The following PPP2R2C variants were observed in gnomAD, a reference collection of about 807,000 sequenced individuals.
PPP2R2C encodes protein phosphatase 2, regulatory subunit B, gamma.
Under a neutral mutation model 45.3 loss-of-function variants are expected in PPP2R2C, and 10 were observed. That is an observed-to-expected ratio of 0.22 (90% CI 0.14 to 0.37). The LOEUF is 0.37. Ranked by LOEUF, PPP2R2C falls within the 10% of genes least tolerant of loss-of-function variation. The pLI is 1.00. For synonymous variants in PPP2R2C, 257 were observed against 245.4 expected (o/e 1.05, Z -0.44); for missense variants, 308 against 619.7 (o/e 0.50, Z 5.34).
chr4:6,348,259 C>A (rs1712191445), intron 5 of PPP2R2C, among the ~76,000 whole-genome samples: 1 of 151,940 alleles, frequency 6.6e-6, no homozygotes, highest in African/African-American at 2.4e-5. Flanking sequence ...TCCCTCCTGA[C>A]CTGCGGCCCC....
At chr4:6,399,672 C>T (rs979580028) in intron 1 of PPP2R2C, among the ~76,000 whole-genome samples, 27 of 152,318 alleles carry the variant, frequency 1.8e-4, no homozygotes, top group Admixed American at 9.8e-4. Flanking sequence ...TAGGAGAGGC[C>T]CAAGGCTGCC....
At chr4:6,484,513 T>TAAA (rs569436768) in intron 2 of PPP2R2C, among the ~76,000 whole-genome samples, 8 of 146,326 alleles carry the variant, frequency 5.5e-5, no homozygotes, top group Non-Finnish European at 1.1e-4. Context: ...TTCAGTTTCT[T>TAAA]AAAAAAAAAA....
chr4:6,559,892 C>T (rs1023563777), intron 1 of PPP2R2C, among the ~76,000 whole-genome samples: 8 of 152,220 alleles, frequency 5.3e-5, no homozygotes, highest in African/African-American at 1.2e-4. Flanking sequence ...GTTACGGCAG[C>T]CCCAACGGAC....
chr4:6,504,003 T>A (rs1723140931), intron 2 of PPP2R2C, among the ~76,000 whole-genome samples: 1 of 152,170 alleles, frequency 6.6e-6, no homozygotes, highest in African/African-American at 2.4e-5. Context: ...GCACCAAATG[T>A]TTCATGCTTT....
rs1732174839 is a variant in PPP2R2C at position 6,328,949 on chromosome 4, C to T, written c.1052+313G>A. ...GCTGGGCTATAGCCCTCGCCCCCGA[C>T]AAGCTGGGAGAGGGGAGCACATCAC... On this transcript the variant is annotated intron_variant, in intron 8 of 8. Coordinates refer to ENST00000382599, the MANE Select transcript of PPP2R2C (RefSeq NM_020416.4). This position sits in a 1 kb window ranked among gnomAD's most constrained non-coding sequence, Gnocchi z 4.4. 6.6e-6 allele frequency among the ~76,000 whole-genome samples: 1 copy of T among 152,186 alleles called. No individual in the cohort carries two copies.
At chr4:6,384,611 C>A in intron 1 of PPP2R2C, 4 of 985,358 alleles carry the variant, frequency 4.1e-6, no homozygotes, top group Non-Finnish European at 4.8e-6. Flanking sequence ...CATAACAATG[C>A]TATTAAATTA....
exon 2 of PPP2R2C, chr4:6,535,271 C>A (rs1334173870): frequency 6.5e-7 from 1 of 1,535,358 alleles, no homozygotes; most frequent in Non-Finnish European, 8.7e-7. Flanking sequence ...GGCTTCTTAC[C>A]GGAAACTTCC....
chr4:6,361,837 G>A (rs1249054261), intron 5 of PPP2R2C, among the ~76,000 whole-genome samples: 4 of 152,208 alleles, frequency 2.6e-5, no homozygotes, highest in Non-Finnish European at 5.9e-5. Context: ...GACTGCTGGG[G>A]CTCCCAGCCT....
At chr4:6,516,071 C>A (rs187752091) in intron 2 of PPP2R2C, among the ~76,000 whole-genome samples, 1 of 152,342 alleles carries the variant, frequency 6.6e-6, no homozygotes, top group Admixed American at 6.5e-5. Flanking sequence ...ACTACATCTG[C>A]AAATACTTTA....
chr4:6,531,490 G>A (rs975455736), intron 2 of PPP2R2C, among the ~76,000 whole-genome samples: 16 of 152,008 alleles, frequency 1.1e-4, no homozygotes, highest in South Asian at 4.2e-4. Context: ...CCCAGATAAC[G>A]CCCCTCCAAG....
At chr4:6,479,324 G>C (rs1420993903) in intron 2 of PPP2R2C, among the ~76,000 whole-genome samples, 2 of 152,192 alleles carry the variant, frequency 1.3e-5, no homozygotes, top group Admixed American at 6.5e-5. Flanking sequence ...CTCTTGGCTT[G>C]TTCGACCACT....
intron 1 of PPP2R2C, among the ~76,000 whole-genome samples, chr4:6,450,756 C>A (rs572899363): frequency 4.7e-4 from 72 of 152,304 alleles, no homozygotes; most frequent in Non-Finnish European, 7.4e-4. Context: ...ATTTCAGTTT[C>A]CTTCTCTGCC....
At chr4:6,363,224 A>C (rs1713971924) in intron 5 of PPP2R2C, among the ~76,000 whole-genome samples, 1 of 152,210 alleles carries the variant, frequency 6.6e-6, no homozygotes. Flanking sequence ...AACTTGAACA[A>C]TACCCTCTCT....
chr4:6,427,032 G>A (rs1169761803), intron 1 of PPP2R2C, among the ~76,000 whole-genome samples: 1 of 152,220 alleles, frequency 6.6e-6, no homozygotes, highest in East Asian at 1.9e-4. Flanking sequence ...GCACATCCAA[G>A]GGGGATGCTG....
intron 2 of PPP2R2C, among the ~76,000 whole-genome samples, chr4:6,481,999 A>AAAAAAAG: frequency 6.6e-6 from 1 of 150,970 alleles, no homozygotes; most frequent in African/African-American, 2.4e-5. Flanking sequence ...AAAAAAAAAA[A>AAAAAAAG]AAAAAGTAAA....
chr4:6,547,193 T>C (rs28555191), intron 1 of PPP2R2C, among the ~76,000 whole-genome samples: 34,903 of 152,152 alleles, frequency 0.23, 4,292 homozygotes, highest in South Asian at 0.31. Flanking sequence ...TATTTTTTCT[T>C]CACTGGAGAT....
chr4:6,549,647 C>G (rs1231659710), intron 1 of PPP2R2C, among the ~76,000 whole-genome samples: 1 of 152,230 alleles, frequency 6.6e-6, no homozygotes, highest in Admixed American at 6.5e-5. Flanking sequence ...GCTCTGATGA[C>G]ACCTGCTGGC....
intron 5 of PPP2R2C, among the ~76,000 whole-genome samples, chr4:6,366,010 G>A (rs998876172): frequency 2.6e-5 from 4 of 152,204 alleles, no homozygotes; most frequent in African/African-American, 9.7e-5. Context: ...GACGCGAGAG[G>A]TTGCTTAAAC....
chr4:6,506,306 CT>C (rs776547680), intron 2 of PPP2R2C, among the ~76,000 whole-genome samples: 40 of 152,312 alleles, frequency 2.6e-4, no homozygotes, highest in Non-Finnish European at 4.7e-4. Context: ...CACGTAAGAT[CT>C]GTACACTTTA....
Sources: allele counts gnomAD v4.1 joint callset (sites outside exome capture counted in the v4.1 genomes callset), GRCh38; gene constraint gnomAD v4.1.1; non-coding constraint Gnocchi (gnomAD v3.1); transcripts MANE v1.5; gene names NCBI Gene and HGNC (gene_info 2026-07-23, HGNC 2026-07-21).